HPSE2: variants seen among roughly 807,000 people sequenced by gnomAD.
HPSE2 encodes the protein heparanase 2 (inactive), also known as inactive heparanase-2.
Under a neutral mutation model 60.5 loss-of-function variants are expected in HPSE2, and 38 were observed. The ratio of observed to expected loss-of-function variants is 0.63; its 90% CI spans 0.48 to 0.82. The LOEUF (loss-of-function observed/expected upper bound fraction) is 0.82. HPSE2 is among the 40% of genes least tolerant of loss of function. The pLI is 0.00. For missense variants in HPSE2, 713 were observed against 740.4 expected (o/e 0.96, Z 0.43); for synonymous variants, 295 against 293.2 (o/e 1.01, Z -0.06).
At chr10:98,869,140 C>T (rs35010090) in intron 3 of HPSE2, among the ~76,000 whole-genome samples, 4,235 of 151,892 alleles carry the variant, frequency 0.028, 93 homozygotes, top group Non-Finnish European at 0.044. Context: ...TTTCTATATC[C>T]TTAGTGATTT....
In HPSE2 at chr10:98,918,668, G is replaced by A. The variant is rs1220875654; in HGVS notation, c.611-174612C>T. Among the ~76,000 whole-genome samples, 4 of 130,528 alleles carry A rather than the reference G, an allele frequency of 3.1e-5. No homozygotes were observed. In the East Asian group the frequency reaches 9.8e-4, roughly 32 times the overall value. The allele number at this position is 130,528 out of a possible 152,430, so 85.6% of individuals were successfully genotyped here. ...CACAGGATGGGGAACATCACACTCT[G>A]GGGACTCTTGTGGGGTGGGGGGAGG... On this transcript the variant is annotated intron_variant, in intron 3 of 11. Coordinates refer to ENST00000370552, the MANE Select transcript of HPSE2 (RefSeq NM_021828.5).
At chr10:99,235,375 G>A in intron 1 of HPSE2, 138 bp downstream of exon 1, 1 of 805,424 alleles carries the variant, frequency 1.2e-6, no homozygotes, top group Non-Finnish European at 2.1e-6. Flanking sequence ...CAATCCAGGA[G>A]AAGGAAAACC....
chr10:98,583,992 A>G (rs1010923835), intron 9 of HPSE2, among the ~76,000 whole-genome samples: 1 of 152,196 alleles, frequency 6.6e-6, no homozygotes, highest in Non-Finnish European at 1.5e-5. Flanking sequence ...TTGTGTGGAC[A>G]TGTGTTTTTA....
intron 3 of HPSE2, among the ~76,000 whole-genome samples, chr10:98,754,314 A>G (rs1016055622): frequency 1.3e-5 from 2 of 152,158 alleles, no homozygotes; most frequent in Admixed American, 1.3e-4. Flanking sequence ...ATAGGGAAAA[A>G]AGAATACAAT....
intron 2 of HPSE2, among the ~76,000 whole-genome samples, chr10:99,184,819 TAGAGAGAGAGAGAGAGAGAGAGAG>T (rs1177556672): frequency 3.0e-4 from 6 of 19,870 alleles, no homozygotes; most frequent in South Asian, 2.3e-3. Context: ...TATATATATA[TAGAGAGAGAGAGAGAGAGAGAGAG>T]AGAGAGAGAG....
chr10:99,086,883 A>G (rs1456180694), intron 3 of HPSE2, among the ~76,000 whole-genome samples: 12 of 152,230 alleles, frequency 7.9e-5, no homozygotes, highest in African/African-American at 2.2e-4. Flanking sequence ...CCCAAATCAG[A>G]TAACACAGAG....
intron 9 of HPSE2, among the ~76,000 whole-genome samples, chr10:98,582,383 AAAT>A (rs1227778685): frequency 6.6e-6 from 1 of 152,242 alleles, no homozygotes; most frequent in Non-Finnish European, 1.5e-5. Context: ...GGAATCAAGA[AAAT>A]AATACTATTA....
At chr10:99,193,472 AAG>A (rs1328402461) in intron 2 of HPSE2, among the ~76,000 whole-genome samples, 1 of 152,036 alleles carries the variant, frequency 6.6e-6, no homozygotes, top group Non-Finnish European at 1.5e-5. Flanking sequence ...TTCCAATCAA[AAG>A]ACATACAGTG....
At chr10:98,550,689 T>C (rs866287548) in intron 9 of HPSE2, among the ~76,000 whole-genome samples, 5 of 152,096 alleles carry the variant, frequency 3.3e-5, no homozygotes, top group Admixed American at 3.3e-4. Context: ...TTAGTCAGGA[T>C]GGTCTTGATC....
intron 3 of HPSE2, among the ~76,000 whole-genome samples, chr10:98,986,689 T>C (rs1589467629): frequency 8.9e-6 from 1 of 112,850 alleles, no homozygotes; most frequent in South Asian, 3.1e-4. Flanking sequence ...CTTCAAAAAA[T>C]TAATGAATCC....
At chr10:99,147,247 T>A (rs1846088664) in intron 2 of HPSE2, among the ~76,000 whole-genome samples, 1 of 152,174 alleles carries the variant, frequency 6.6e-6, no homozygotes, top group South Asian at 2.1e-4. Flanking sequence ...CTCATGAGCT[T>A]AAGAGTAGAA....
chr10:98,493,757 T>TCATTAC (rs1941737583), intron 9 of HPSE2, among the ~76,000 whole-genome samples: 1 of 152,200 alleles, frequency 6.6e-6, no homozygotes, highest in Admixed American at 6.5e-5. Context: ...CCAACCTCTG[T>TCATTAC]CTTTTGACTG....
chr10:98,926,289 T>C (rs934786963), intron 3 of HPSE2, among the ~76,000 whole-genome samples: 2 of 152,022 alleles, frequency 1.3e-5, no homozygotes, highest in East Asian at 3.9e-4. Flanking sequence ...TGAAGGTCAA[T>C]AGGAATGAAG....
chr10:98,965,674 C>A (rs767628766), intron 3 of HPSE2, among the ~76,000 whole-genome samples: 2 of 152,154 alleles, frequency 1.3e-5, no homozygotes, highest in Non-Finnish European at 2.9e-5. Flanking sequence ...CAAAACCTAC[C>A]TACTCTATGA....
rs570085393 is a variant in HPSE2 at position 99,093,412 on chromosome 10, G to A, written c.610+50826C>T. Among the ~76,000 whole-genome samples, 153 of 151,646 alleles carry A rather than the reference G, an allele frequency of 1.0e-3. 2 individuals carry two copies. Among genetic ancestry groups the A allele is most frequent in the Non-Finnish European group, 1.1e-3 (78 of 67,944 alleles). On this transcript the variant is annotated intron_variant, in intron 3 of 11. Transcript: ENST00000370552. ...AAATTTTTACATTCACGTGGTTTAC[G>A]CAGCAAAACATCATAAAGAGGCATT...
chr10:98,897,342 G>A (rs575289405), intron 3 of HPSE2, among the ~76,000 whole-genome samples: 1 of 152,058 alleles, frequency 6.6e-6, no homozygotes, highest in Admixed American at 6.6e-5. Flanking sequence ...AAATAAAATA[G>A]AAAAATAAAG....
chr10:99,086,346 C>CTTTTTTTTTTTTTTTTTTT (rs66562418), intron 3 of HPSE2, among the ~76,000 whole-genome samples: 22 of 82,994 alleles, frequency 2.7e-4, no homozygotes, highest in East Asian at 8.6e-4. Context: ...AAAGTACTTT[C>CTTTTTTTTTTTTTTTTTTT]TTTTTTTTTT....
intron 3 of HPSE2, among the ~76,000 whole-genome samples, chr10:98,875,288 A>T (rs75320263): frequency 6.6e-6 from 1 of 152,110 alleles, no homozygotes; most frequent in Non-Finnish European, 1.5e-5. Flanking sequence ...AACTAGACTA[A>T]TAAAGAAGAA....
chr10:99,010,535 C>A (rs547261574), intron 3 of HPSE2, among the ~76,000 whole-genome samples: 1 of 152,234 alleles, frequency 6.6e-6, no homozygotes, highest in African/African-American at 2.4e-5. Flanking sequence ...TTTTTAGAGG[C>A]ATAACTTCTT....
Sources: allele counts gnomAD v4.1 joint callset (sites outside exome capture counted in the v4.1 genomes callset), GRCh38; gene constraint gnomAD v4.1.1; transcripts MANE v1.5; gene names NCBI Gene and HGNC (gene_info 2026-07-23, HGNC 2026-07-21).